Variants in ASAP1 observed in about 807,000 individuals in gnomAD.
ASAP1 encodes the protein ArfGAP with SH3 domain, ankyrin repeat and PH domain 1.
A neutral mutation model predicts 145.2 loss-of-function variants in ASAP1; 43 were observed. The observed-to-expected ratio is 0.30, with a 90% CI of 0.23 to 0.38. The LOEUF (loss-of-function observed/expected upper bound fraction) is 0.38, where lower values mean the gene tolerates loss of function less well. Ranked by LOEUF, ASAP1 falls within the 10% of genes least tolerant of loss-of-function variation. The pLI is 1.00. For missense variants in ASAP1, 1,018 were observed against 1,355.3 expected, an observed-to-expected ratio of 0.75 and a Z score of 3.91; for synonymous variants, 546 against 515.5, an observed-to-expected ratio of 1.06 and a Z score of -0.80.
At chr8:130,289,921 T>C (rs1426418005) in intron 3 of ASAP1, among the ~76,000 whole-genome samples, 1 of 152,228 alleles carries the variant, frequency 6.6e-6, no homozygotes, top group African/African-American at 2.4e-5. Flanking sequence ...AAAAGCCTCA[T>C]GAAACAAAAT....
chr8:130,144,872 T>C (rs2097623736), intron 13 of ASAP1, among the ~76,000 whole-genome samples: 1 of 152,208 alleles, frequency 6.6e-6, no homozygotes, highest in South Asian at 2.1e-4. Context: ...GTTGGCAGAA[T>C]GTATGTATAT....
At chr8:130,422,928 A>C (rs1829778657) in intron 1 of ASAP1, among the ~76,000 whole-genome samples, 1 of 152,268 alleles carries the variant, frequency 6.6e-6, no homozygotes, top group South Asian at 2.1e-4. Flanking sequence ...CATCTGCTTC[A>C]CCTCCAACAC....
rs1554876474 is a variant in ASAP1, at chr8:130,300,184, A to AGC, written c.186+57832_186+57833insGC. ...GAGAGAGAGAGAGAGAGAGAGAGAG[A>AGC]GAGCGAGCGAGCGAGCAGTCAATAC... On this transcript the variant is annotated intron_variant, in intron 3 of 29. Coordinates refer to ENST00000518721, the MANE Select transcript of ASAP1 (RefSeq NM_018482.4). 9.9e-3 allele frequency among the ~76,000 whole-genome samples: 1,380 copies of AGC among 139,796 alleles called. 14 individuals are homozygous for AGC. The highest frequency in any genetic ancestry group is 0.054 in the East Asian group (252 of 4,706). The allele number at this position is 139,796 out of a possible 152,430, so 91.7% of individuals were successfully genotyped here.
At chr8:130,423,103 A>G (rs375778653) in intron 1 of ASAP1, among the ~76,000 whole-genome samples, 2 of 152,176 alleles carry the variant, frequency 1.3e-5, no homozygotes, top group African/African-American at 4.8e-5. Context: ...ATTACAATCC[A>G]TATTTATACT....
chr8:130,088,885 A>G (rs2097499675), intron 25 of ASAP1, among the ~76,000 whole-genome samples: 2 of 152,202 alleles, frequency 1.3e-5, no homozygotes, highest in South Asian at 2.1e-4. Flanking sequence ...TACTAGCCCC[A>G]TATTATAGTT....
chr8:130,080,156 C>T (rs1592753495), intron 25 of ASAP1, among the ~76,000 whole-genome samples, 185 bp from the exon 26 acceptor site: 3 of 152,064 alleles, frequency 2.0e-5, no homozygotes, highest in South Asian at 2.1e-4. Flanking sequence ...TTGGGCTTTG[C>T]GGTTTTTTAT....
intron 3 of ASAP1, among the ~76,000 whole-genome samples, chr8:130,331,016 G>A (rs1824652542): frequency 6.6e-6 from 1 of 152,118 alleles, no homozygotes; most frequent in Non-Finnish European, 1.5e-5. Context: ...CCATTGGCCA[G>A]ACCAGCCTTT....
At chr8:130,342,723 T>C (rs1825462664) in intron 3 of ASAP1, among the ~76,000 whole-genome samples, 1 of 151,188 alleles carries the variant, frequency 6.6e-6, no homozygotes, top group Non-Finnish European at 1.5e-5. Context: ...GAAATATAAC[T>C]TGACTTTTAA....
intron 1 of ASAP1, among the ~76,000 whole-genome samples, chr8:130,442,869 C>G (rs1160888636): frequency 6.6e-6 from 1 of 152,114 alleles, no homozygotes; most frequent in Non-Finnish European, 1.5e-5. Context: ...CAAAATGGTA[C>G]AAGCAGAAAA....
intron 1 of ASAP1, among the ~76,000 whole-genome samples, chr8:130,403,482 GT>G (rs1180487172): frequency 6.6e-6 from 1 of 150,686 alleles, no homozygotes; most frequent in East Asian, 1.9e-4. Context: ...TCTGACTCTT[GT>G]TCACCTCTCT....
At chr8:130,246,415 A>G (rs1818857163) in intron 3 of ASAP1, among the ~76,000 whole-genome samples, 2 of 152,046 alleles carry the variant, frequency 1.3e-5, no homozygotes, top group South Asian at 4.1e-4. Context: ...TAATCCCCAC[A>G]TGTCAGGGAA....
At chr8:130,165,717 T>C (rs2097678584) in intron 11 of ASAP1, among the ~76,000 whole-genome samples, 1 of 152,218 alleles carries the variant, frequency 6.6e-6, no homozygotes, top group Non-Finnish European at 1.5e-5. Flanking sequence ...AGTGTTACAG[T>C]GCTATAGACT....
chr8:130,118,425 TAA>T, intron 19 of ASAP1, 62 bp downstream of exon 19: 1 of 1,510,464 alleles, frequency 6.6e-7, no homozygotes, highest in Non-Finnish European at 9.0e-7. Context: ...AATGTTAAAA[TAA>T]GTCACCTTTT....
chr8:130,325,684 A>G (rs562632954), intron 3 of ASAP1, among the ~76,000 whole-genome samples: 1 of 152,254 alleles, frequency 6.6e-6, no homozygotes, highest in African/African-American at 2.4e-5. Flanking sequence ...ATGAAGTGTT[A>G]TAACTGTATT....
At chr8:130,296,788 T>C (rs1822307924) in intron 3 of ASAP1, among the ~76,000 whole-genome samples, 1 of 152,174 alleles carries the variant, frequency 6.6e-6, no homozygotes, top group South Asian at 2.1e-4. Flanking sequence ...TAAGCTACTT[T>C]CCAAGCAGGT....
At chr8:130,262,416 AAGAGAGAGAGAGAGAGAG>A (rs71513089) in intron 3 of ASAP1, among the ~76,000 whole-genome samples, 55 of 57,868 alleles carry the variant, frequency 9.5e-4, no homozygotes, top group African/African-American at 2.6e-3. Context: ...AAAAAAAAAA[AAGAGAGAGAGAGAGAGAG>A]AGAGAGAGAG....
chr8:130,089,410 A>G (rs1392578283), intron 25 of ASAP1, among the ~76,000 whole-genome samples: 1 of 151,888 alleles, frequency 6.6e-6, no homozygotes, highest in Non-Finnish European at 1.5e-5. Context: ...CCTGGTGTCT[A>G]CCTCCCAGTC....
At chr8:130,260,199 A>T (rs1163796870) in intron 3 of ASAP1, among the ~76,000 whole-genome samples, 1 of 152,188 alleles carries the variant, frequency 6.6e-6, no homozygotes, top group East Asian at 1.9e-4. Context: ...TAATGAACTA[A>T]TAGATCTGAG....
Position 130,427,336 on chromosome 8 carries a change from C to T in ASAP1, c.-28+16124G>A, listed in dbSNP as rs187958635. On this transcript the variant is annotated intron_variant, in intron 1 of 29. Coordinates refer to ENST00000518721, the MANE Select transcript of ASAP1 (RefSeq NM_018482.4). ...GGGACTCAGCTCCTCTTGATATTGA[C>T]AGTGTGTTTACTCCTATGAAATGCA... is the stretch of plus-strand genomic sequence containing the variant. Among the ~76,000 whole-genome samples, 320 of 152,308 alleles carry T rather than the reference C, an allele frequency of 2.1e-3. 3 individuals carry two copies. The highest frequency in any genetic ancestry group is 3.9e-3 in the Admixed American group (60 of 15,300).
Sources: gnomAD v4.1 joint callset for allele counts (sites outside exome capture counted in the v4.1 genomes callset) on GRCh38, gnomAD v4.1.1 for gene constraint, MANE v1.5 for transcripts, NCBI Gene and HGNC (gene_info 2026-07-23, HGNC 2026-07-21) for gene names.